The following GUCY2C variants were observed in gnomAD, a reference collection of about 807,000 sequenced individuals.
GUCY2C encodes guanylate cyclase 2C, also known as guanylyl cyclase C.
A neutral mutation model predicts 131.1 loss-of-function variants in GUCY2C; 118 were observed. The ratio of observed to expected loss-of-function variants is 0.90; its 90% confidence interval spans 0.78 to 1.05. The LOEUF (loss-of-function observed/expected upper bound fraction) is 1.05. Among genes scored for constraint, GUCY2C ranks in the 50% least tolerant of loss-of-function variants. The pLI, the probability that GUCY2C is intolerant of heterozygous loss-of-function variation, is 0.00. For missense variants in GUCY2C, 1,161 were observed against 1,304.4 expected (o/e 0.89, Z 1.69); for synonymous variants, 452 against 457.8 (o/e 0.99, Z 0.16).
intron 3 of GUCY2C, among the ~76,000 whole-genome samples, chr12:14,684,798 T>G (rs368105151): frequency 6.6e-6 from 1 of 151,864 alleles, no homozygotes; most frequent in African/African-American, 2.4e-5. Context: ...GCCTCCCACA[T>G]TGCTGGGACT....
chr12:14,685,248 G>A (rs1948446984), intron 3 of GUCY2C, among the ~76,000 whole-genome samples: 1 of 152,170 alleles, frequency 6.6e-6, no homozygotes, highest in Non-Finnish European at 1.5e-5. Flanking sequence ...CAAATACAAG[G>A]AAGAGTAAGA....
At chr12:14,635,064 C>A (rs1270214330) in intron 19 of GUCY2C, among the ~76,000 whole-genome samples, 1 of 152,136 alleles carries the variant, frequency 6.6e-6, no homozygotes, top group Non-Finnish European at 1.5e-5. Context: ...ATCATAAAGA[C>A]AGAAAATTAA....
At chr12:14,634,610 C>A (rs552298683) in intron 19 of GUCY2C, among the ~76,000 whole-genome samples, 6 of 152,206 alleles carry the variant, frequency 3.9e-5, no homozygotes, top group Non-Finnish European at 8.8e-5. Flanking sequence ...TAAGCCCTTA[C>A]ATAATAATAA....
At chr12:14,655,296 C>T (rs568135653) in intron 12 of GUCY2C, among the ~76,000 whole-genome samples, 31 of 152,370 alleles carry the variant, frequency 2.0e-4, no homozygotes, top group African/African-American at 6.3e-4. Flanking sequence ...AGGTCATTTA[C>T]ACCTGACTGT....
rs188480928 is a variant in GUCY2C at position 14,678,291 on chromosome 12, A to G, written c.831-1320T>C. Among the ~76,000 whole-genome samples the G allele has an allele frequency of 1.4e-3, 207 of 152,368 alleles. 1 individual carries two copies. The highest frequency in any genetic ancestry group is 4.7e-3 in the African/African-American group (196 of 41,592). ...AAATCCAAGAGTCAAAACAACCAGA[A>G]GTGTCAGAATTAGAATGTGAACACA... On this transcript the variant is annotated intron_variant, in intron 6 of 26. Transcript: ENST00000261170.
At chr12:14,623,640 A>G (rs1419060266) in intron 21 of GUCY2C, among the ~76,000 whole-genome samples, 1 of 152,228 alleles carries the variant, frequency 6.6e-6, no homozygotes, top group Non-Finnish European at 1.5e-5. Flanking sequence ...TCCCCACCCA[A>G]ATCTCATGCT....
rs182813541 is a variant in GUCY2C, at chr12:14,628,755, G to A, written c.2158-18C>T. The A allele has an allele frequency of 3.1e-3, 3,218 of 1,034,886 alleles. 46 individuals are homozygous for A. The African/African-American group carries it at 0.045, about 14-fold the overall frequency. 64.1% of individuals were successfully genotyped at this position (1,034,886 alleles called of 1,614,324 possible). The stretch of plus-strand genomic sequence containing the variant: ...AGGTACACCTGGAAGAAAAAAAAAC[G>A]GGCAAATTAGCTAAGGGGATAGTAA... On this transcript the variant is annotated intron_variant, in intron 19 of 26. Coordinates refer to ENST00000261170, the MANE Select transcript of GUCY2C (RefSeq NM_004963.4).
chr12:14,679,615 C>T (rs757553938), intron 6 of GUCY2C, 42 bp downstream of exon 6: 6 of 960,464 alleles, frequency 6.2e-6, no homozygotes, highest in Non-Finnish European at 1.0e-5. Flanking sequence ...TGGAATACTT[C>T]CTTTTTGAAA....
At chr12:14,620,028 G>A (rs1946859824) in intron 23 of GUCY2C, among the ~76,000 whole-genome samples, 1 of 152,200 alleles carries the variant, frequency 6.6e-6, no homozygotes, top group South Asian at 2.1e-4. Flanking sequence ...TGAGTTTTAA[G>A]CAATGCCTGG....
intron 9 of GUCY2C, among the ~76,000 whole-genome samples, chr12:14,671,249 T>G (rs547312742): frequency 6.6e-6 from 1 of 152,290 alleles, no homozygotes; most frequent in South Asian, 2.1e-4. Context: ...ATGACTCTCC[T>G]GTCTCAGCCT....
Position 14,681,413 on chromosome 12 carries a change from A to C in GUCY2C, c.676T>G (p.Leu226Val), listed in dbSNP as rs1246357733. 3 of 1,612,050 alleles carry C rather than the reference A, an allele frequency of 1.9e-6. No individual in the cohort carries two copies. In the African/African-American group the frequency reaches 4.0e-5, roughly 22 times the overall value. The change falls in exon 5 of 27, where the codon TTA (leucine) becomes GTA (valine). Residue 226 changes from leucine to valine, a missense_variant. Leu to Val is a conservative substitution (Grantham distance 32). Transcript: ENST00000261170. ...FSHELGFKVV[L>V]RQDKEFQDIL... ...TCCTGAAACTCCTTATCTTGTCTTA[A>C]CACCACCTTAAAGCCGAGTTCGTGG...
chr12:14,696,481 G>A lies in GUCY2C; in HGVS notation c.-33C>T. 6.4e-7 allele frequency: 1 copy of A among 1,551,020 alleles called. No individual in the cohort carries two copies. Among genetic ancestry groups the A allele is most frequent in the Non-Finnish European group, 8.9e-7 (1 of 1,125,238 alleles). On this transcript the variant is annotated 5_prime_UTR_variant, in exon 1 of 27. Coordinates refer to ENST00000261170, the MANE Select transcript of GUCY2C (RefSeq NM_004963.4). ...ATCACGTTAGAACCATACTCCTTGTGCCCACTTGCTTTGCTCTGTTGGGCT... is the reference window on the plus strand; with the variant it reads ...ATCACGTTAGAACCATACTCCTTGTACCCACTTGCTTTGCTCTGTTGGGCT...
chr12:14,659,080 C>G (rs1947814996), intron 11 of GUCY2C, among the ~76,000 whole-genome samples: 1 of 150,936 alleles, frequency 6.6e-6, no homozygotes, highest in African/African-American at 2.4e-5. Flanking sequence ...GAGTCTTGCT[C>G]TGTTGCCCAG....
chr12:14,682,754 T>A (rs139447614), intron 4 of GUCY2C, among the ~76,000 whole-genome samples: 1,566 of 152,356 alleles, frequency 0.01, 41 homozygotes, highest in African/African-American at 0.035. Flanking sequence ...ATCCTATTAC[T>A]TGTTTTATTT....
chr12:14,629,119 A>G (rs911236073), intron 19 of GUCY2C, among the ~76,000 whole-genome samples: 2 of 152,246 alleles, frequency 1.3e-5, no homozygotes, highest in Admixed American at 1.3e-4. Flanking sequence ...AAATATTAAA[A>G]GCCAGTGCCC....
chr12:14,651,012 G>A (rs749476462), intron 15 of GUCY2C, among the ~76,000 whole-genome samples: 4 of 152,060 alleles, frequency 2.6e-5, no homozygotes, highest in Non-Finnish European at 4.4e-5. Context: ...GTCCAAGAGT[G>A]GAGTAATAAT....
intron 10 of GUCY2C, among the ~76,000 whole-genome samples, chr12:14,662,270 A>G (rs954970210): frequency 7.9e-5 from 12 of 152,228 alleles, no homozygotes; most frequent in African/African-American, 2.7e-4. Context: ...AGGAAGGCAT[A>G]ATCCAAAAAT....
chr12:14,648,085 C>G (rs1031311329), intron 15 of GUCY2C, among the ~76,000 whole-genome samples: 2 of 151,910 alleles, frequency 1.3e-5, no homozygotes, highest in African/African-American at 4.8e-5. Flanking sequence ...CTCAGCCTCC[C>G]AAGTAGCTGG....
intron 13 of GUCY2C, among the ~76,000 whole-genome samples, 178 bp from the exon 14 acceptor site, chr12:14,652,208 T>C (rs1468903558): frequency 6.6e-6 from 1 of 151,502 alleles, no homozygotes; most frequent in Non-Finnish European, 1.5e-5. Context: ...AGAGCCTTGC[T>C]CTGTTGCCCA....
Sources: gnomAD v4.1 joint callset for allele counts (sites outside exome capture counted in the v4.1 genomes callset) on GRCh38, gnomAD v4.1.1 for gene constraint, MANE v1.5 for transcripts, NCBI Gene and HGNC (gene_info 2026-07-23, HGNC 2026-07-21) for gene names.